Variants in TMEM108 observed in about 807,000 individuals in gnomAD.
The protein encoded by TMEM108 is transmembrane protein 108.
A neutral mutation model predicts 35.1 loss-of-function variants in TMEM108; 12 were observed. That is an observed-to-expected ratio of 0.34 (90% CI 0.22 to 0.55). The LOEUF (loss-of-function observed/expected upper bound fraction) is 0.55, where lower values mean the gene tolerates loss of function less well. TMEM108 is among the 20% of genes least tolerant of loss of function. TMEM108 has a pLI of 0.89. For synonymous variants in TMEM108, 287 were observed against 308.6 expected (o/e 0.93, Z 0.73); for missense variants, 680 against 753.3 (o/e 0.90, Z 1.14).
At chr3:133,389,345 G>A in intron 4 of TMEM108, 1 of 985,586 alleles carries the variant, frequency 1.0e-6, no homozygotes, top group South Asian at 4.7e-5. Context: ...CATCTGTGCA[G>A]GTGGGCTTTT....
chr3:133,390,356 GC>G (rs751854846), intron 5 of TMEM108, 22 bp downstream of exon 5: 4 of 1,612,470 alleles, frequency 2.5e-6, no homozygotes, highest in Non-Finnish European at 2.5e-6. Context: ...GAAAGTGCTG[GC>G]CCCACTGCAG....
At chr3:133,164,286 T>G (rs1945004052) in intron 2 of TMEM108, among the ~76,000 whole-genome samples, 1 of 152,210 alleles carries the variant, frequency 6.6e-6, no homozygotes. Context: ...CTGACTTGAC[T>G]GAACACCTCT....
At chr3:133,191,738 A>C (rs1235222782) in intron 2 of TMEM108, among the ~76,000 whole-genome samples, 3 of 152,182 alleles carry the variant, frequency 2.0e-5, no homozygotes, top group Admixed American at 6.5e-5. Flanking sequence ...CTACTGAATA[A>C]TTTGAGGTGT....
At chr3:133,212,879 A>G (rs1436066892) in intron 2 of TMEM108, among the ~76,000 whole-genome samples, 17 of 117,462 alleles carry the variant, frequency 1.4e-4, no homozygotes, top group Admixed American at 1.6e-4. Context: ...AAAAAAAAAA[A>G]AGGAAAAAAA....
rs374721085 is a variant in TMEM108 at position 133,193,850 on chromosome 3, CATT to C, written c.-46-35414_-46-35412del. On this transcript the variant is annotated intron_variant, in intron 2 of 5. Transcript: ENST00000321871. Reference sequence around the variant, plus strand: ...TACTATTAAACTGATTAAATATAAACATTAGCTGAAATCAATCTTATTTATAAA... The same window carrying C: ...TACTATTAAACTGATTAAATATAAACAGCTGAAATCAATCTTATTTATAAA... 5.0e-3 allele frequency among the ~76,000 whole-genome samples: 753 copies of C among 151,658 alleles called. 4 individuals carry two copies. Among genetic ancestry groups the C allele is most frequent in the African/African-American group, 0.017 (707 of 41,318 alleles).
intron 3 of TMEM108, among the ~76,000 whole-genome samples, chr3:133,244,961 T>A (rs1479426602): frequency 6.6e-6 from 1 of 152,224 alleles, no homozygotes; most frequent in African/African-American, 2.4e-5. Context: ...ATTTTCATTT[T>A]TTTAAAGAAG....
intron 2 of TMEM108, among the ~76,000 whole-genome samples, chr3:133,187,617 G>T (rs192656892): frequency 6.6e-6 from 1 of 152,158 alleles, no homozygotes; most frequent in South Asian, 2.1e-4. Context: ...AGGCATGTTG[G>T]CAGGTGCCTA....
chr3:133,177,768 T>G (rs1945259983), intron 2 of TMEM108, among the ~76,000 whole-genome samples: 2 of 152,038 alleles, frequency 1.3e-5, no homozygotes, highest in South Asian at 4.2e-4. Flanking sequence ...AGGGATGCCC[T>G]CTCTCACCAC....
intron 3 of TMEM108, among the ~76,000 whole-genome samples, chr3:133,291,947 C>T (rs1419089691): frequency 6.6e-6 from 1 of 152,148 alleles, no homozygotes; most frequent in Non-Finnish European, 1.5e-5. Flanking sequence ...AATCATTTGG[C>T]TGAGCAGGAT....
intron 2 of TMEM108, among the ~76,000 whole-genome samples, chr3:133,130,375 G>T (rs1361973280): frequency 6.6e-6 from 1 of 152,208 alleles, no homozygotes; most frequent in Non-Finnish European, 1.5e-5. Flanking sequence ...CTCAGCATCA[G>T]CTGGGTTGGC....
intron 3 of TMEM108, among the ~76,000 whole-genome samples, chr3:133,300,981 C>CGT (rs1947215576): frequency 3.1e-3 from 2 of 638 alleles, no homozygotes; most frequent in African/African-American, 4.0e-3. Context: ...CCAGTACACA[C>CGT]ACACACACAC....
Position 133,156,290 on chromosome 3 carries a change from G to A in TMEM108, c.-46-72976G>A, listed in dbSNP as rs968848707. ...TCTGCAGTAGCTGAGATACTGTGGCGAATGCAAGGAACTATGTGACAATAT... is the reference window on the plus strand; with the variant it reads ...TCTGCAGTAGCTGAGATACTGTGGCAAATGCAAGGAACTATGTGACAATAT... On this transcript the variant is annotated intron_variant, in intron 2 of 5. Coordinates refer to ENST00000321871, the MANE Select transcript of TMEM108 (RefSeq NM_023943.4). Among the ~76,000 whole-genome samples, 5 of 152,162 alleles carry A rather than the reference G, an allele frequency of 3.3e-5. No homozygotes were observed. The South Asian group carries it at 8.3e-4, about 25-fold the overall frequency.
At chr3:133,069,667 A>G (rs1345575878) in intron 2 of TMEM108, among the ~76,000 whole-genome samples, 2 of 152,088 alleles carry the variant, frequency 1.3e-5, no homozygotes, top group Non-Finnish European at 2.9e-5. Flanking sequence ...GCATCATGTG[A>G]TACTCCATTC....
intron 3 of TMEM108, among the ~76,000 whole-genome samples, chr3:133,375,318 T>C (rs1169527451): frequency 1.3e-5 from 2 of 152,226 alleles, no homozygotes; most frequent in African/African-American, 2.4e-5. Flanking sequence ...CTTCTTGTGA[T>C]GTCTGGACAC....
chr3:133,152,583 C>T (rs1032520112), intron 2 of TMEM108, among the ~76,000 whole-genome samples: 18 of 152,236 alleles, frequency 1.2e-4, no homozygotes, highest in African/African-American at 3.6e-4. Context: ...TTACCAGGGT[C>T]ATGATTTCTG....
intron 2 of TMEM108, among the ~76,000 whole-genome samples, chr3:133,216,166 T>C (rs1256894749): frequency 6.6e-6 from 1 of 152,158 alleles, no homozygotes; most frequent in Non-Finnish European, 1.5e-5. Context: ...AGCTTTTCAT[T>C]TGGCTCTTTA....
At chr3:133,272,222 A>T (rs1207539820) in intron 3 of TMEM108, among the ~76,000 whole-genome samples, 1 of 149,194 alleles carries the variant, frequency 6.7e-6, no homozygotes, top group Non-Finnish European at 1.5e-5. Flanking sequence ...GCGGAGGGGT[A>T]TGTGGAGTAT....
intron 2 of TMEM108, among the ~76,000 whole-genome samples, chr3:133,178,705 C>T (rs1945279380): frequency 6.6e-6 from 1 of 152,080 alleles, no homozygotes; most frequent in Non-Finnish European, 1.5e-5. Flanking sequence ...CCATAAAAAC[C>T]CTAGAAGAAA....
intron 2 of TMEM108, among the ~76,000 whole-genome samples, chr3:133,219,119 A>G (rs1945951327): frequency 6.6e-6 from 1 of 152,088 alleles, no homozygotes; most frequent in African/African-American, 2.4e-5. Flanking sequence ...AGTAGGTTGT[A>G]TGTCTCTAGA....
Sources: gnomAD v4.1 joint callset for allele counts (sites outside exome capture counted in the v4.1 genomes callset) on GRCh38, gnomAD v4.1.1 for gene constraint, MANE v1.5 for transcripts, NCBI Gene and HGNC (gene_info 2026-07-23, HGNC 2026-07-21) for gene names.